The following YTHDC2 variants were observed in gnomAD, a reference collection of about 807,000 sequenced individuals.
YTHDC2 encodes 3'-5' RNA helicase YTHDC2.
YTHDC2 carries 45 observed loss-of-function variants against 174.9 expected under a neutral mutation model. The observed-to-expected ratio is 0.26, with a 90% CI of 0.20 to 0.33. The LOEUF (loss-of-function observed/expected upper bound fraction) is 0.33, where lower values mean the gene tolerates loss of function less well. YTHDC2 is among the 10% of genes least tolerant of loss of function. The probability of loss-of-function intolerance (pLI) is 1.00; values close to 1 mark genes in which losing one functional copy is unlikely to be tolerated. For synonymous variants in YTHDC2, 657 were observed against 574.5 expected (o/e 1.14, Z -2.05); for missense variants, 1,650 against 1,723.7 (o/e 0.96, Z 0.76).
rs1779180286 is a variant in YTHDC2 at position 113,594,855 on chromosome 5, C to T, written c.*1381C>T. 1 of 152,072 alleles carries T rather than the reference C, an allele frequency of 6.6e-6. No homozygotes were observed. Among genetic ancestry groups the T allele is most frequent in the South Asian group, 2.1e-4 (1 of 4,832 alleles). The allele number at this position is 152,072 out of a possible 1,614,324, so 9.4% of individuals were successfully genotyped here. A position where few individuals can be genotyped will look rare whatever the true frequency, so the allele number is the denominator to read the frequency against. ...TGGGTCAACATAAAATCTTGAGAAC[C>T]TTCTACTTTCTCTGGGAAAGCATTA... On this transcript the variant is annotated 3_prime_UTR_variant, in exon 30 of 30. Transcript: ENST00000161863.
At chr5:113,537,604 G>C (rs1775172332) in intron 7 of YTHDC2, among the ~76,000 whole-genome samples, 1 of 133,174 alleles carries the variant, frequency 7.5e-6, no homozygotes. Context: ...CCATCCTCTT[G>C]TTTCCTGCCC....
chr5:113,537,480 C>T (rs1775164398), intron 7 of YTHDC2, among the ~76,000 whole-genome samples: 1 of 150,388 alleles, frequency 6.6e-6, no homozygotes, highest in South Asian at 2.1e-4. Flanking sequence ...CTGTGGGCTT[C>T]TCTTCTTTTA....
intron 27 of YTHDC2, 141 bp downstream of exon 27, chr5:113,591,385 A>G (rs1230075125): frequency 1.2e-6 from 1 of 813,590 alleles, no homozygotes; most frequent in Admixed American, 2.5e-5. Context: ...GATATATTGC[A>G]TCTCTTTAGA....
At chr5:113,586,319 T>A (rs1778677370) in intron 26 of YTHDC2, among the ~76,000 whole-genome samples, 1 of 152,046 alleles carries the variant, frequency 6.6e-6, no homozygotes, top group African/African-American at 2.4e-5. Context: ...GTGAAATGTC[T>A]GTTCAAATCT....
chr5:113,528,274 A>T (rs904620426), intron 4 of YTHDC2, among the ~76,000 whole-genome samples: 1 of 152,162 alleles, frequency 6.6e-6, no homozygotes, highest in Non-Finnish European at 1.5e-5. Context: ...TAAATATTAT[A>T]CTCTTTGCTT....
At position 113,554,013 on chromosome 5, in the gene YTHDC2, G is replaced by A. The variant is rs1580566333; in HGVS notation, c.2124G>A (p.Lys708=). ...TTGTCTTTGTTATTGATTCTGGTAA[G>A]GTGAAAGAGGTATGTATGGGTAAGT... ...NDVVFVIDSG[K]VKEKSFDALN... Residue 708 remains lysine (K), a synonymous_variant, in exon 16 of 30, where the codon AAG becomes AAA. Coordinates refer to ENST00000161863, the MANE Select transcript of YTHDC2 (RefSeq NM_022828.5). 6.4e-7 allele frequency: 1 copy of A among 1,562,616 alleles called. No homozygotes were observed. Among genetic ancestry groups the A allele is most frequent in the East Asian group, 2.3e-5 (1 of 44,098 alleles).
chr5:113,549,092 C>T, intron 12 of YTHDC2, 72 bp downstream of exon 12: 1 of 1,310,600 alleles, frequency 7.6e-7, no homozygotes, highest in South Asian at 1.3e-5. Flanking sequence ...AAATTATGGG[C>T]TATTCAAATG....
chr5:113,566,394 C>T (rs1400134049), intron 21 of YTHDC2, among the ~76,000 whole-genome samples: 1 of 149,150 alleles, frequency 6.7e-6, no homozygotes, highest in African/African-American at 2.5e-5. Flanking sequence ...GATATGAATG[C>T]TGCTCTTCAT....
intron 25 of YTHDC2, chr5:113,583,277 G>A (rs1254309489): frequency 3.3e-5 from 5 of 152,142 alleles, no homozygotes; most frequent in East Asian, 1.9e-4. Flanking sequence ...AAAATGACAT[G>A]ATGTGTGGGA....
intron 8 of YTHDC2, 51 bp from the exon 9 acceptor site, chr5:113,540,902 ACAAAGGAATACATTT>A: frequency 6.8e-7 from 1 of 1,471,914 alleles, no homozygotes; most frequent in South Asian, 1.3e-5. Flanking sequence ...ATTTATTTAA[ACAAAGGAATACATTT>A]CAAAAAGGAA....
intron 1 of YTHDC2, 166 bp downstream of exon 1, chr5:113,514,248 G>A: frequency 1.2e-6 from 1 of 837,582 alleles, no homozygotes; most frequent in Non-Finnish European, 2.0e-6. Flanking sequence ...TCTGGAACGC[G>A]GCTGTTGGCC....
Position 113,580,497 on chromosome 5 carries a change from T to A in YTHDC2, c.3354+802T>A, listed in dbSNP as rs532547325. Among the ~76,000 whole-genome samples, 20 of 152,170 alleles carry A rather than the reference T, an allele frequency of 1.3e-4. No homozygotes were observed. In the South Asian group the frequency reaches 1.7e-3, roughly 13 times the overall value. Reference sequence around the variant, plus strand: ...CCTCCCCTTGATTCTATCTCTACTGTCCAAGATCATTCTCTATACATTTTT... The same window carrying A: ...CCTCCCCTTGATTCTATCTCTACTGACCAAGATCATTCTCTATACATTTTT... On this transcript the variant is annotated intron_variant, in intron 24 of 29. Transcript: ENST00000161863.
At chr5:113,561,017 G>T (rs747074034) in intron 17 of YTHDC2, 63 bp from the exon 18 acceptor site, 4 of 1,349,628 alleles carry the variant, frequency 3.0e-6, no homozygotes, top group South Asian at 1.5e-5. Flanking sequence ...ATCACATTGC[G>T]TTTACAGTTT....
chr5:113,539,001 T>A lies in YTHDC2; in HGVS notation c.1103-73T>A, dbSNP rs1469727382. 4.1e-6 allele frequency: 3 copies of A among 733,168 alleles called. No homozygotes were observed. In the East Asian group the frequency reaches 1.0e-4, roughly 25 times the overall value. 45.4% of individuals were successfully genotyped at this position (733,168 alleles called of 1,614,324 possible). ...GATATTATACTGAGATTCATTAACT[T>A]GGGATTTTCATGTTTTTATGTGAAT... On this transcript the variant is annotated intron_variant, in intron 7 of 29. Coordinates refer to ENST00000161863, the MANE Select transcript of YTHDC2 (RefSeq NM_022828.5).
At chr5:113,514,171 G>T in intron 1 of YTHDC2, 89 bp downstream of exon 1, 2 of 1,488,952 alleles carry the variant, frequency 1.3e-6, no homozygotes, top group Admixed American at 2.0e-5. Flanking sequence ...AGTGATGGGG[G>T]TGCCTCCGAA....
intron 23 of YTHDC2, among the ~76,000 whole-genome samples, chr5:113,568,874 C>T (rs1262384564): frequency 6.6e-6 from 1 of 152,110 alleles, no homozygotes; most frequent in Admixed American, 6.5e-5. Context: ...ATTTATATTC[C>T]TTTGGGTATT....
intron 2 of YTHDC2, among the ~76,000 whole-genome samples, 155 bp from the exon 3 acceptor site, chr5:113,524,826 T>C (rs1014318788): frequency 2.0e-5 from 3 of 152,154 alleles, no homozygotes; most frequent in Non-Finnish European, 4.4e-5. Flanking sequence ...CCCAAATCTT[T>C]CTTTACTGAA....
At chr5:113,552,050 CCTA>C (rs1418396394) in intron 12 of YTHDC2, among the ~76,000 whole-genome samples, 1 of 151,926 alleles carries the variant, frequency 6.6e-6, no homozygotes, top group African/African-American at 2.4e-5. Flanking sequence ...TAAGTTGGTA[CCTA>C]CTGAGTTTTT....
Position 113,571,201 on chromosome 5 carries a change from T to C in YTHDC2, c.3244+3352T>C, listed in dbSNP as rs555732548. ...TTTTAACACGAAGACATGTTGAATTTTATTGAAGGCCTTTTCTGCATCTAT... is the reference window on the plus strand; with the variant it reads ...TTTTAACACGAAGACATGTTGAATTCTATTGAAGGCCTTTTCTGCATCTAT... On this transcript the variant is annotated intron_variant, in intron 23 of 29. Transcript: ENST00000161863. Among the ~76,000 whole-genome samples, 7 of 152,374 alleles carry C rather than the reference T, an allele frequency of 4.6e-5. No individual in the cohort carries two copies. In the South Asian group the frequency reaches 1.2e-3, roughly 27 times the overall value.
Sources: gnomAD v4.1 joint callset for allele counts (sites outside exome capture counted in the v4.1 genomes callset) on GRCh38, gnomAD v4.1.1 for gene constraint, MANE v1.5 for transcripts, NCBI Gene and HGNC (gene_info 2026-07-23, HGNC 2026-07-21) for gene names.